The following ATM variants were observed in gnomAD, a reference collection of about 807,000 sequenced individuals.
The protein encoded by ATM is ATM serine/threonine kinase, also known as serine-protein kinase ATM.
Under a neutral mutation model 387.0 loss-of-function variants are expected in ATM, and 308 were observed. That is an observed-to-expected ratio of 0.80 (90% confidence interval 0.73 to 0.87). ATM has a LOEUF of 0.87. Ranked by LOEUF, ATM falls within the 40% of genes least tolerant of loss-of-function variation. ATM has a pLI of 0.00. For missense variants in ATM, 3,312 were observed against 3,560.9 expected (o/e 0.93, Z 1.78); for synonymous variants, 1,156 against 1,187.3 (o/e 0.97, Z 0.54).
At chr11:108,314,257 A>C (rs2084415881) in intron 40 of ATM, among the ~76,000 whole-genome samples, 1 of 152,068 alleles carries the variant, frequency 6.6e-6, no homozygotes, top group Non-Finnish European at 1.5e-5. Flanking sequence ...CTGGGACTAC[A>C]GGCATGCCCC....
chr11:108,327,824 G>A, intron 48 of ATM, 66 bp downstream of exon 48: 1 of 1,190,986 alleles, frequency 8.4e-7, no homozygotes, highest in Non-Finnish European at 1.2e-6. Flanking sequence ...TTTTCATCAA[G>A]ATCAATATAT....
rs2136565782 is a variant in ATM, at chr11:108,332,821, G to A, written c.7848G>A (p.Met2616Ile). 6.2e-7 allele frequency: 1 copy of A among 1,613,278 alleles called. No individual in the cohort carries two copies. Among genetic ancestry groups the A allele is most frequent in the Non-Finnish European group, 8.5e-7 (1 of 1,179,634 alleles). ...CTATCAGAAGTAGGAGACCTCAGAT[G>A]GTCAGAAGTGTTGAGGCACTTTGTG... is the stretch of plus-strand genomic sequence containing the variant. Reference protein sequence around the residue: ...ICTIRSRRPQMVRSVEALCDA... With the variant: ...ICTIRSRRPQIVRSVEALCDA... Residue 2616 changes from methionine (M) to isoleucine (I), a missense_variant, in exon 53 of 63, where the codon ATG (methionine) becomes ATA (isoleucine). Met to Ile is a conservative substitution (Grantham distance 10). Coordinates refer to ENST00000675843, the MANE Select transcript of ATM (RefSeq NM_000051.4).
chr11:108,266,954 C>G (rs533411018), intron 16 of ATM, among the ~76,000 whole-genome samples: 33 of 152,162 alleles, frequency 2.2e-4, no homozygotes, highest in African/African-American at 7.0e-4. Flanking sequence ...CACCACCACA[C>G]CCAGCTAATT....
At chr11:108,272,660 CTTTG>C (rs2081650822) in intron 21 of ATM, 53 bp downstream of exon 21, 14 of 1,612,648 alleles carry the variant, frequency 8.7e-6, no homozygotes, top group Middle Eastern at 1.7e-4. Context: ...TTAAAGCAGT[CTTTG>C]TTTGTTAATG....
chr11:108,271,166 T>G lies in ATM; in HGVS notation c.2921+20T>G. On this transcript the variant is annotated intron_variant, in intron 19 of 62. Coordinates refer to ENST00000675843, the MANE Select transcript of ATM (RefSeq NM_000051.4). Reference sequence around the variant, plus strand: ...ACTATCGTAAGAAATTAAAACCTTATGTTATGTTCACTTTAAAGTTATAAA... The same window carrying G: ...ACTATCGTAAGAAATTAAAACCTTAGGTTATGTTCACTTTAAAGTTATAAA... 1.9e-6 allele frequency: 3 copies of G among 1,613,624 alleles called. No homozygotes were observed. The highest frequency in any genetic ancestry group is 2.5e-6 in the Non-Finnish European group (3 of 1,179,694).
At chr11:108,234,317 A>C (rs2079162512) in intron 4 of ATM, among the ~76,000 whole-genome samples, 1 of 152,250 alleles carries the variant, frequency 6.6e-6, no homozygotes, top group Admixed American at 6.5e-5. Context: ...GAATATATTC[A>C]TATTTACATG....
At position 108,326,875 on chromosome 11, in the gene ATM, G is replaced by A. The variant is rs4988107; in HGVS notation, c.6975+650G>A. 9.0e-3 allele frequency among the ~76,000 whole-genome samples: 1,375 copies of A among 152,232 alleles called. 20 individuals carry two copies. Among genetic ancestry groups the A allele is most frequent in the African/African-American group, 0.031 (1,298 of 41,548 alleles). On this transcript the variant is annotated intron_variant, in intron 47 of 62. Transcript: ENST00000675843. ...GAGTCTTGCTCTGTCACCCAGGCTG[G>A]AGTGCAGTGGTACGACATCGGCTCA...
intron 52 of ATM, 101 bp downstream of exon 52, chr11:108,332,138 T>A: frequency 6.8e-7 from 1 of 1,475,918 alleles, no homozygotes; most frequent in Non-Finnish European, 9.2e-7. Flanking sequence ...CCATCTAAAA[T>A]CGGTTCAAGG....
chr11:108,311,331 G>A (rs939987116), intron 39 of ATM, among the ~76,000 whole-genome samples: 3 of 152,048 alleles, frequency 2.0e-5, no homozygotes, highest in African/African-American at 2.4e-5. Context: ...TAGTTGATAA[G>A]GAAGTGGATC....
At chr11:108,243,288 A>G (rs1311314823) in intron 5 of ATM, among the ~76,000 whole-genome samples, 3 of 152,004 alleles carry the variant, frequency 2.0e-5, no homozygotes, top group African/African-American at 4.8e-5. Flanking sequence ...CATTTTTTGC[A>G]TATTATTAAT....
chr11:108,243,597 A>G (rs1481183964), intron 5 of ATM, among the ~76,000 whole-genome samples: 1 of 152,138 alleles, frequency 6.6e-6, no homozygotes, highest in Non-Finnish European at 1.5e-5. Context: ...TGGACGACAG[A>G]GCAAGATTCT....
In ATM at chr11:108,347,262, G is replaced by C; in HGVS notation, c.8585-17G>C. The C allele has an allele frequency of 6.4e-7, 1 of 1,558,056 alleles. No homozygotes were observed. Among genetic ancestry groups the C allele is most frequent in the Non-Finnish European group, 8.9e-7 (1 of 1,129,426 alleles). On this transcript the variant is annotated splice_polypyrimidine_tract_variant and intron_variant, in intron 58 of 62. Coordinates refer to ENST00000675843, the MANE Select transcript of ATM (RefSeq NM_000051.4). Reference sequence around the variant, plus strand: ...TGGAATCAGTGATTTCAGATTGTTTGTTTCTTTTTTCTCCAGTTGGTTACA... The same window carrying C: ...TGGAATCAGTGATTTCAGATTGTTTCTTTCTTTTTTCTCCAGTTGGTTACA...
intron 46 of ATM, 48 bp from the exon 47 acceptor site, chr11:108,326,010 A>G: frequency 6.3e-7 from 1 of 1,583,268 alleles, no homozygotes; most frequent in Non-Finnish European, 8.7e-7. Context: ...TCATGGTAGT[A>G]GTATCAGTAG....
intron 56 of ATM, among the ~76,000 whole-genome samples, chr11:108,342,668 ATACTT>A (rs2087732523): frequency 6.6e-6 from 1 of 152,200 alleles, no homozygotes; most frequent in Admixed American, 6.6e-5. Flanking sequence ...ATCATTTTCT[ATACTT>A]TATGTATGTT....
chr11:108,282,274 C>T (rs2082273231), intron 24 of ATM, among the ~76,000 whole-genome samples: 1 of 152,022 alleles, frequency 6.6e-6, no homozygotes, highest in South Asian at 2.1e-4. Flanking sequence ...ACTACAGGCG[C>T]CCGTCGTCAC....
At chr11:108,352,131 C>T (rs1024890361) in intron 59 of ATM, among the ~76,000 whole-genome samples, 3 of 152,162 alleles carry the variant, frequency 2.0e-5, no homozygotes, top group African/African-American at 7.2e-5. Context: ...TTAGGCATAC[C>T]TGGAACCAGG....
chr11:108,288,970 CTG>C lies in ATM; in HGVS notation c.4110-5_4110-4del. 6.2e-7 allele frequency: 1 copy of C among 1,613,400 alleles called. No homozygotes were observed. Reference sequence around the variant, plus strand: ...GATGACTGTATTTTTTCCCTTAACTCTGTTAGGGATTTGGATCCTGCTCCTAA... The same window carrying C: ...GATGACTGTATTTTTTCCCTTAACTCTTAGGGATTTGGATCCTGCTCCTAA... On this transcript the variant is annotated splice_region_variant and splice_polypyrimidine_tract_variant and intron_variant, in intron 27 of 62. Transcript: ENST00000675843.
chr11:108,243,151 T>A (rs1286036584), intron 5 of ATM, among the ~76,000 whole-genome samples: 2 of 151,928 alleles, frequency 1.3e-5, no homozygotes, highest in African/African-American at 2.4e-5. Context: ...CTGCTGAGAT[T>A]GAAGCTACAG....
At chr11:108,248,003 T>A (rs1024055920) in intron 8 of ATM, among the ~76,000 whole-genome samples, 5 of 152,214 alleles carry the variant, frequency 3.3e-5, no homozygotes, top group African/African-American at 1.2e-4. Flanking sequence ...TCTTGGTTTT[T>A]GTGGATTTTC....
Sources: allele counts gnomAD v4.1 joint callset (sites outside exome capture counted in the v4.1 genomes callset), GRCh38; gene constraint gnomAD v4.1.1; transcripts MANE v1.5; gene names NCBI Gene and HGNC (gene_info 2026-07-23, HGNC 2026-07-21).